ST6GAL1: variants seen among roughly 807,000 people sequenced by gnomAD.
The protein encoded by ST6GAL1 is ST6 beta-galactoside alpha-2,6-sialyltransferase 1, also known as beta-galactoside alpha-2,6-sialyltransferase 1.
Under a neutral mutation model 38.0 loss-of-function variants are expected in ST6GAL1, and 20 were observed. The observed-to-expected ratio is 0.53, with a 90% CI of 0.37 to 0.77. The LOEUF (loss-of-function observed/expected upper bound fraction) is 0.77. ST6GAL1 is among the 30% of genes least tolerant of loss of function. The probability of loss-of-function intolerance (pLI) is 0.00; values close to 1 mark genes in which losing one functional copy is unlikely to be tolerated. For synonymous variants in ST6GAL1, 196 were observed against 188.2 expected, an observed-to-expected ratio of 1.04 and a Z score of -0.34; for missense variants, 432 against 496.4, an observed-to-expected ratio of 0.87 and a Z score of 1.23.
chr3:187,049,575 C>A (rs1718439860), intron 4 of ST6GAL1, among the ~76,000 whole-genome samples: 1 of 152,222 alleles, frequency 6.6e-6, no homozygotes, highest in Non-Finnish European at 1.5e-5. Flanking sequence ...CTCAGGGTCT[C>A]CGCTCATCAG....
At chr3:187,039,923 T>C (rs76799658) in intron 3 of ST6GAL1, among the ~76,000 whole-genome samples, 1,748 of 152,334 alleles carry the variant, frequency 0.011, 25 homozygotes, top group East Asian at 0.046. Flanking sequence ...AGGCTGAGGC[T>C]GTCTGATGGT....
chr3:187,077,411 C>T lies in ST6GAL1; in HGVS notation c.*1608C>T, dbSNP rs1228122194. 2 of 156,568 alleles carry T rather than the reference C, an allele frequency of 1.3e-5. No individual in the cohort carries two copies. The highest frequency in any genetic ancestry group is 2.8e-5 in the Non-Finnish European group (2 of 71,300). The allele number at this position is 156,568 out of a possible 1,614,324, so 9.7% of individuals were successfully genotyped here. A position where few individuals can be genotyped will look rare whatever the true frequency, so the allele number is the denominator to read the frequency against. On this transcript the variant is annotated 3_prime_UTR_variant, in exon 8 of 8. Coordinates refer to ENST00000169298, the MANE Select transcript of ST6GAL1 (RefSeq NM_173216.2). ...AGGGCTCTGCACTCTCAAGGCTGGCCCCATGTGCTCAAGGGGATCTAATGT... is the reference window on the plus strand; with the variant it reads ...AGGGCTCTGCACTCTCAAGGCTGGCTCCATGTGCTCAAGGGGATCTAATGT...
At chr3:186,947,348 T>G (rs1714405586) in intron 1 of ST6GAL1, among the ~76,000 whole-genome samples, 1 of 152,148 alleles carries the variant, frequency 6.6e-6, no homozygotes. Flanking sequence ...ATAGTGATGT[T>G]TATCTGCCCA....
intron 2 of ST6GAL1, among the ~76,000 whole-genome samples, chr3:186,965,782 T>C (rs1715090804): frequency 6.6e-6 from 1 of 152,176 alleles, no homozygotes; most frequent in Admixed American, 6.5e-5. Context: ...CCTCTTCTCT[T>C]CCTCGTCCTT....
rs76185678 is a variant in ST6GAL1, at chr3:186,994,509, A to C, written c.-183+30583A>C. Among the ~76,000 whole-genome samples, 223 of 152,296 alleles carry C rather than the reference A, an allele frequency of 1.5e-3. 4 individuals carry two copies. The East Asian group carries it at 0.04, about 27-fold the overall frequency. ...ATATTCTGTATTTCATAGGTGATTC[A>C]AAGTGGGGGGACTTTTTGTTTGTTT... On this transcript the variant is annotated intron_variant, in intron 2 of 7. Coordinates refer to ENST00000169298, the MANE Select transcript of ST6GAL1 (RefSeq NM_173216.2).
chr3:187,059,841 CAAAT>C (rs1718848960), intron 5 of ST6GAL1, among the ~76,000 whole-genome samples: 1 of 152,110 alleles, frequency 6.6e-6, no homozygotes, highest in Non-Finnish European at 1.5e-5. Context: ...AATAGTTTTA[CAAAT>C]AAATAAATTT....
rs1024815103 is a variant in ST6GAL1 at position 186,970,194 on chromosome 3, A to G, written c.-183+6268A>G. The stretch of plus-strand genomic sequence containing the variant: ...ATCCCTAGAATCAAGATAGAGAACT[A>G]TTTCTTTTTCTTTTCTTTTTCTTTT... On this transcript the variant is annotated intron_variant, in intron 2 of 7. Transcript: ENST00000169298. Among the ~76,000 whole-genome samples, 5 of 147,464 alleles carry G rather than the reference A, an allele frequency of 3.4e-5. No homozygotes were observed. In the East Asian group the frequency reaches 5.9e-4, roughly 17 times the overall value.
intron 2 of ST6GAL1, among the ~76,000 whole-genome samples, chr3:186,965,481 C>T (rs975476997): frequency 2.6e-5 from 4 of 152,122 alleles, no homozygotes; most frequent in Admixed American, 6.5e-5. Context: ...GGATAGGGAG[C>T]GGGTGGGACA....
intron 2 of ST6GAL1, among the ~76,000 whole-genome samples, chr3:187,004,852 C>G (rs1201064684): frequency 6.6e-6 from 1 of 152,152 alleles, no homozygotes; most frequent in African/African-American, 2.4e-5. Context: ...GAGAAGAAAT[C>G]ATCTTTCTTT....
chr3:187,019,890 A>G (rs1288059936), intron 2 of ST6GAL1, among the ~76,000 whole-genome samples: 1 of 152,250 alleles, frequency 6.6e-6, no homozygotes, highest in Non-Finnish European at 1.5e-5. Flanking sequence ...CAGAAGGTCA[A>G]TACAGTGATT....
Position 187,051,359 on chromosome 3 carries a change from CT to C in ST6GAL1, c.705+14del, listed in dbSNP as rs1423328077. On this transcript the variant is annotated intron_variant, in intron 5 of 7. Transcript: ENST00000169298. ...GATGAACTCTCAGGTAAAATTTCTT[CT>C]GTGCAGCTATGGAGTAAGAGAAGGA... 2 of 1,612,778 alleles carry C rather than the reference CT, an allele frequency of 1.2e-6. No homozygotes were observed. Among genetic ancestry groups the C allele is most frequent in the African/African-American group, 2.7e-5 (2 of 74,894 alleles).
At chr3:186,993,030 C>G (rs1560154396) in intron 2 of ST6GAL1, among the ~76,000 whole-genome samples, 1 of 152,042 alleles carries the variant, frequency 6.6e-6, no homozygotes, top group African/African-American at 2.4e-5. Context: ...GACAGCTGTT[C>G]CCCGCTCCCT....
chr3:187,039,052 G>C (rs953964417), intron 3 of ST6GAL1, among the ~76,000 whole-genome samples, 179 bp downstream of exon 3: 1 of 152,168 alleles, frequency 6.6e-6, no homozygotes, highest in African/African-American at 2.4e-5. Context: ...GGTTTCATTG[G>C]GGGGTGTAGA....
intron 5 of ST6GAL1, among the ~76,000 whole-genome samples, chr3:187,065,974 G>A: frequency 6.6e-6 from 1 of 152,090 alleles, no homozygotes; most frequent in East Asian, 1.9e-4. Context: ...GTGGGATTTG[G>A]TTCTAGGTGT....
rs4686848 is a variant in ST6GAL1 at position 187,077,460 on chromosome 3, G to A, written c.*1657G>A. The A allele has an allele frequency of 0.095, 14,561 of 153,000 alleles. 815 individuals are homozygous for A. The highest frequency in any genetic ancestry group is 0.17 in the East Asian group (870 of 5,184). 9.5% of individuals were successfully genotyped at this position (153,000 alleles called of 1,614,324 possible). A position where few individuals can be genotyped will look rare whatever the true frequency, so the allele number is the denominator to read the frequency against. On this transcript the variant is annotated 3_prime_UTR_variant, in exon 8 of 8. Transcript: ENST00000169298. ...GTTTGGGCTCCAAACTAACCATCTC[G>A]GAGCTGGGCTCCTCATTTACTGCCA... is the stretch of plus-strand genomic sequence containing the variant.
At chr3:187,070,720 G>T (rs933831579) in intron 5 of ST6GAL1, among the ~76,000 whole-genome samples, 2 of 152,070 alleles carry the variant, frequency 1.3e-5, no homozygotes, top group Non-Finnish European at 2.9e-5. Flanking sequence ...ACCGCACCCG[G>T]CCCAACACTC....
chr3:187,066,496 A>C (rs766842658), intron 5 of ST6GAL1, among the ~76,000 whole-genome samples: 13 of 152,234 alleles, frequency 8.5e-5, no homozygotes, highest in Middle Eastern at 3.4e-3. Context: ...TCAACATAGG[A>C]ATTCTGGGGG....
chr3:186,966,911 G>A (rs1715150192), intron 2 of ST6GAL1, among the ~76,000 whole-genome samples: 1 of 152,180 alleles, frequency 6.6e-6, no homozygotes, highest in Non-Finnish European at 1.5e-5. Flanking sequence ...TGGCTAGGGG[G>A]ATTTAATTCA....
At chr3:186,972,405 C>T (rs1486758669) in intron 2 of ST6GAL1, among the ~76,000 whole-genome samples, 1 of 152,060 alleles carries the variant, frequency 6.6e-6, no homozygotes, top group Non-Finnish European at 1.5e-5. Context: ...CGGGCCACCA[C>T]ACCCAGCTAA....
Sources: gnomAD v4.1 joint callset for allele counts (sites outside exome capture counted in the v4.1 genomes callset) on GRCh38, gnomAD v4.1.1 for gene constraint, MANE v1.5 for transcripts, NCBI Gene and HGNC (gene_info 2026-07-23, HGNC 2026-07-21) for gene names.